The following LRRC51 variants were observed in gnomAD, a reference collection of about 807,000 sequenced individuals.
LRRC51 encodes the protein leucine-rich repeat-containing protein 51.
In LRRC51, 8 loss-of-function variants were observed where a neutral mutation model predicts 17.8. The observed-to-expected ratio is 0.45, with a 90% CI of 0.26 to 0.81. The LOEUF is 0.81. Among genes scored for constraint, LRRC51 ranks in the 30% least tolerant of loss-of-function variants. The pLI, the probability that LRRC51 is intolerant of heterozygous loss-of-function variation, is 0.17. For missense variants in LRRC51, 233 were observed against 239.3 expected, an observed-to-expected ratio of 0.97 and a Z score of 0.17; for synonymous variants, 92 against 96.0, an observed-to-expected ratio of 0.96 and a Z score of 0.24.
At chr11:72,086,548 G>A (rs142298108) in intron 1 of LRRC51, 3 of 689,766 alleles carry the variant, frequency 4.3e-6, no homozygotes, top group Non-Finnish European at 7.9e-6. Flanking sequence ...AACATTTTGA[G>A]TGCCTGTTGT....
At chr11:72,090,420 A>G (rs17161944) in intron 3 of LRRC51, among the ~76,000 whole-genome samples, 2,430 of 152,310 alleles carry the variant, frequency 0.016, 70 homozygotes, top group African/African-American at 0.056. Context: ...CGTAAATGGT[A>G]CAGATGGCCC....
chr11:72,092,109 T>G (rs1038545372), intron 3 of LRRC51, among the ~76,000 whole-genome samples: 5 of 152,146 alleles, frequency 3.3e-5, no homozygotes, highest in African/African-American at 1.2e-4. Context: ...GGATTCTTCT[T>G]CCTCCCTGAC....
At chr11:72,086,141 A>G in intron 1 of LRRC51, 1 of 463,318 alleles carries the variant, frequency 2.2e-6, no homozygotes, top group Non-Finnish European at 3.9e-6. Flanking sequence ...CTAACACAGG[A>G]CACATTAACC....
At chr11:72,081,874 C>CT (rs1944232122) in intron 1 of LRRC51, among the ~76,000 whole-genome samples, 2 of 152,156 alleles carry the variant, frequency 1.3e-5, no homozygotes, top group Non-Finnish European at 2.9e-5. Flanking sequence ...TTTTGATACT[C>CT]TTAACAGCTC....
rs774272651 is a variant in LRRC51 at position 72,094,932 on chromosome 11, T to C, written c.289-16T>C. 1 of 1,614,038 alleles carries C rather than the reference T, an allele frequency of 6.2e-7. No individual in the cohort carries two copies. Among genetic ancestry groups the C allele is most frequent in the Non-Finnish European group, 8.5e-7 (1 of 1,180,000 alleles). On this transcript the variant is annotated splice_polypyrimidine_tract_variant and intron_variant, in intron 4 of 5. Transcript: ENST00000289488. ...CTGTCCTGTCTAGCCTGGCTTTTGG[T>C]TTCCCTCCCCAACAGGTCCTAACAA...
At chr11:72,094,880 G>T (rs1252589245) in intron 4 of LRRC51, 68 bp from the exon 5 acceptor site, 8 of 1,614,036 alleles carry the variant, frequency 5.0e-6, no homozygotes, top group Non-Finnish European at 6.8e-6. Context: ...CTGCCCACGA[G>T]TCAGCCCTGA....
chr11:72,092,916 G>A (rs482013), intron 3 of LRRC51, among the ~76,000 whole-genome samples: 134,865 of 152,212 alleles, frequency 0.89, 60,035 homozygotes, highest in Non-Finnish European at 0.95. Context: ...ATCACACCAT[G>A]TTGCCAGCTT....
chr11:72,082,993 G>C (rs1350684945), intron 1 of LRRC51, among the ~76,000 whole-genome samples: 1 of 152,052 alleles, frequency 6.6e-6, no homozygotes, highest in African/African-American at 2.4e-5. Context: ...AGCCTCCCAG[G>C]TAACTGGGAT....
At chr11:72,093,864 C>T (rs984623872) in intron 4 of LRRC51, among the ~76,000 whole-genome samples, 163 bp downstream of exon 4, 2 of 152,202 alleles carry the variant, frequency 1.3e-5, no homozygotes, top group Non-Finnish European at 2.9e-5. Context: ...GGTTCAAATC[C>T]TGGGTTTGCC....
intron 3 of LRRC51, chr11:72,089,407 T>C (rs779156439): frequency 6.9e-7 from 1 of 1,445,180 alleles, no homozygotes; most frequent in South Asian, 1.2e-5. Context: ...TGTTTGTTTT[T>C]TTTAAGCAGC....
chr11:72,081,881 G>C (rs1944232890), intron 1 of LRRC51, among the ~76,000 whole-genome samples: 1 of 152,080 alleles, frequency 6.6e-6, no homozygotes, highest in Non-Finnish European at 1.5e-5. Flanking sequence ...ACTCTTAACA[G>C]CTCTGTGAGT....
chr11:72,088,381 G>A lies in LRRC51; in HGVS notation c.-56+1G>A, dbSNP rs1276828398. On this transcript the variant is annotated splice_donor_variant, in intron 2 of 5. Transcript: ENST00000289488. LOFTEE classifies it low-confidence loss of function (5UTR_SPLICE). ...GTGGAGTTTCAGCCATCAGTGACAG[G>A]TGAGTGAGAGGTAGACTCTGGTTTT... 1.4e-6 allele frequency: 1 copy of A among 702,488 alleles called. No individual in the cohort carries two copies. The highest frequency in any genetic ancestry group is 2.6e-6 in the Non-Finnish European group (1 of 384,996). 43.5% of individuals were successfully genotyped at this position (702,488 alleles called of 1,614,324 possible). A position where few individuals can be genotyped will look rare whatever the true frequency, so the allele number is the denominator to read the frequency against.
intron 3 of LRRC51, chr11:72,089,457 C>T (rs757604686): frequency 2.8e-5 from 37 of 1,337,514 alleles, no homozygotes; most frequent in Non-Finnish European, 3.6e-5. Context: ...AGTAGTTGAT[C>T]ATCTTTAAAA....
Position 72,096,730 on chromosome 11 carries a change from G to C in LRRC51, c.*1210G>C. On this transcript the variant is annotated 3_prime_UTR_variant, in exon 6 of 6. Coordinates refer to ENST00000289488, the MANE Select transcript of LRRC51 (RefSeq NM_145309.6). The stretch of plus-strand genomic sequence containing the variant: ...TTTCCAAACTCTTCACAGAGTACCA[G>C]GGTCTGTAGAGATGCCTCACAGGCC... The C allele has an allele frequency of 1.3e-6, 2 of 1,540,400 alleles. No homozygotes were observed. The highest frequency in any genetic ancestry group is 1.8e-6 in the Non-Finnish European group (2 of 1,141,240).
chr11:72,089,222 C>T, intron 3 of LRRC51, 57 bp downstream of exon 3: 1 of 1,612,628 alleles, frequency 6.2e-7, no homozygotes, highest in Non-Finnish European at 8.5e-7. Flanking sequence ...AGTGTGGTCC[C>T]TAGGAAGAAA....
intron 3 of LRRC51, among the ~76,000 whole-genome samples, chr11:72,092,739 C>T (rs1944934578): frequency 6.6e-6 from 1 of 152,230 alleles, no homozygotes; most frequent in Admixed American, 6.5e-5. Context: ...TACCTCTATA[C>T]CTTTCTTCAT....
chr11:72,088,461 G>A, intron 2 of LRRC51, 81 bp downstream of exon 2: 2 of 697,958 alleles, frequency 2.9e-6, no homozygotes, highest in African/African-American at 1.7e-5. Flanking sequence ...GCTGAAAGTA[G>A]GGTATTTGGA....
intron 3 of LRRC51, among the ~76,000 whole-genome samples, chr11:72,092,804 G>A (rs1944938960): frequency 6.6e-6 from 1 of 152,162 alleles, no homozygotes; most frequent in African/African-American, 2.4e-5. Flanking sequence ...CTAATCCATG[G>A]AGATTCAGCT....
At chr11:72,095,328 G>A (rs1380256093) in intron 5 of LRRC51, 51 bp from the exon 6 acceptor site, 2 of 1,612,806 alleles carry the variant, frequency 1.2e-6, no homozygotes, top group Non-Finnish European at 1.7e-6. Flanking sequence ...AGTGGAGGGG[G>A]AAGGGGATTC....
Sources: gnomAD v4.1 joint callset for allele counts (sites outside exome capture counted in the v4.1 genomes callset) on GRCh38, gnomAD v4.1.1 for gene constraint, MANE v1.5 for transcripts, NCBI Gene and HGNC (gene_info 2026-07-23, HGNC 2026-07-21) for gene names.